Variants in CFAP61 observed in about 807,000 individuals in gnomAD.
CFAP61 encodes cilia- and flagella-associated protein 61.
CFAP61 carries 107 observed loss-of-function variants against 135.6 expected under a neutral mutation model. That is an observed-to-expected ratio of 0.79 (90% CI 0.67 to 0.93). The LOEUF (loss-of-function observed/expected upper bound fraction) is 0.93. Ranked by LOEUF, CFAP61 falls within the 40% of genes least tolerant of loss-of-function variation. The pLI, the probability that CFAP61 is intolerant of heterozygous loss-of-function variation, is 0.00. For synonymous variants in CFAP61, 575 were observed against 578.5 expected (o/e 0.99, Z 0.09); for missense variants, 1,507 against 1,556.2 (o/e 0.97, Z 0.53).
At chr20:20,354,553 CACTT>C (rs2058971378) in intron 26 of CFAP61, among the ~76,000 whole-genome samples, 1 of 150,942 alleles carries the variant, frequency 6.6e-6, no homozygotes, top group African/African-American at 2.4e-5. Context: ...TGCACGATCT[CACTT>C]ACATGTGGAA....
intron 26 of CFAP61, among the ~76,000 whole-genome samples, chr20:20,355,272 A>G (rs2059049209): frequency 8.2e-6 from 1 of 122,690 alleles, no homozygotes; most frequent in African/African-American, 3.2e-5. Context: ...TCACACTGTG[A>G]GGGGTGGTCA....
At chr20:20,311,104 T>G (rs1233967586) in intron 25 of CFAP61, among the ~76,000 whole-genome samples, 1 of 152,202 alleles carries the variant, frequency 6.6e-6, no homozygotes, top group Non-Finnish European at 1.5e-5. Flanking sequence ...CTACACAGTA[T>G]CTTGAGTGTG....
intron 2 of CFAP61, among the ~76,000 whole-genome samples, chr20:20,063,996 C>T (rs1019573878): frequency 2.0e-5 from 3 of 149,250 alleles, no homozygotes; most frequent in South Asian, 4.2e-4. Context: ...AAATTGTCAA[C>T]TATTGAAAGA....
At chr20:20,071,334 T>C (rs1473988750) in intron 3 of CFAP61, among the ~76,000 whole-genome samples, 1 of 152,180 alleles carries the variant, frequency 6.6e-6, no homozygotes, top group Non-Finnish European at 1.5e-5. Context: ...GTCATTGATA[T>C]GTTAGGAGAG....
At chr20:20,206,779 G>C (rs986337206) in intron 17 of CFAP61, among the ~76,000 whole-genome samples, 5 of 151,788 alleles carry the variant, frequency 3.3e-5, no homozygotes, top group South Asian at 2.1e-4. Flanking sequence ...TTTTCATTTG[G>C]GGGGCGGTGT....
chr20:20,055,965 T>A (rs2044295835), intron 1 of CFAP61: 7 of 1,611,014 alleles, frequency 4.3e-6, no homozygotes, highest in Admixed American at 1.7e-5. Flanking sequence ...GTCAACAGCA[T>A]TTCCCAAAGT....
chr20:20,168,447 T>G (rs1459212129), intron 12 of CFAP61, among the ~76,000 whole-genome samples: 1 of 152,208 alleles, frequency 6.6e-6, no homozygotes, highest in African/African-American at 2.4e-5. Context: ...GTCTTTGAAA[T>G]CTAATATATA....
intron 22 of CFAP61, among the ~76,000 whole-genome samples, chr20:20,280,559 C>T (rs903005438): frequency 1.3e-5 from 2 of 152,304 alleles, no homozygotes; most frequent in African/African-American, 2.4e-5. Flanking sequence ...TTCATTTACT[C>T]AGCATGGTGA....
Position 20,140,593 on chromosome 20 carries a change from T to G in CFAP61, c.860-2264T>G, listed in dbSNP as rs897805561. Among the ~76,000 whole-genome samples the G allele has an allele frequency of 4.2e-3, 636 of 152,274 alleles. 11 individuals carry two copies. The highest frequency in any genetic ancestry group is 0.03 in the Admixed American group (454 of 15,300). ...GTGCTGGAGAGGATGTGGAGAAATA[T>G]GAACACTTTTACACTGTTGATGGGA... On this transcript the variant is annotated intron_variant, in intron 8 of 26. Transcript: ENST00000245957.
rs1328795964 is a variant in CFAP61, at chr20:20,142,454, T to A, written c.860-403T>A. On this transcript the variant is annotated intron_variant, in intron 8 of 26. Coordinates refer to ENST00000245957, the MANE Select transcript of CFAP61 (RefSeq NM_015585.4). ...CTGGAGATCATTTCAAAGCCCACCATCGAGGAAGCTGATAACCCATTGTTT... is the reference window on the plus strand; with the variant it reads ...CTGGAGATCATTTCAAAGCCCACCAACGAGGAAGCTGATAACCCATTGTTT... Among the ~76,000 whole-genome samples, 7 of 152,134 alleles carry A rather than the reference T, an allele frequency of 4.6e-5. 1 individual carries two copies. The highest frequency in any genetic ancestry group is 4.6e-4 in the Admixed American group (7 of 15,272).
intron 10 of CFAP61, among the ~76,000 whole-genome samples, chr20:20,160,058 G>A (rs1280493823): frequency 6.6e-6 from 1 of 152,232 alleles, no homozygotes. Flanking sequence ...AAGCCTGGTG[G>A]TTCAGGAAGA....
intron 26 of CFAP61, among the ~76,000 whole-genome samples, chr20:20,351,585 A>AC (rs1396041254): frequency 1.3e-5 from 2 of 151,890 alleles, no homozygotes; most frequent in African/African-American, 4.8e-5. Context: ...AAAAAAAAAA[A>AC]AATGTTTATA....
chr20:20,229,276 G>A lies in CFAP61; in HGVS notation c.2060+900G>A, dbSNP rs76692892. ...TCGGGATCATGGCCTGGCATCATCA[G>A]CACCTAACATGGAGCCCTCAGTGTA... On this transcript the variant is annotated intron_variant, in intron 18 of 26. Coordinates refer to ENST00000245957, the MANE Select transcript of CFAP61 (RefSeq NM_015585.4). 7.3e-3 allele frequency among the ~76,000 whole-genome samples: 1,112 copies of A among 152,290 alleles called. 16 individuals carry two copies. The highest frequency in any genetic ancestry group is 0.026 in the African/African-American group (1,062 of 41,552).
At chr20:20,239,726 G>C (rs940352766) in intron 18 of CFAP61, among the ~76,000 whole-genome samples, 7 of 152,182 alleles carry the variant, frequency 4.6e-5, no homozygotes, top group Admixed American at 4.6e-4. Flanking sequence ...TAATGAGTCT[G>C]ATCTGCAGCT....
intron 25 of CFAP61, among the ~76,000 whole-genome samples, chr20:20,304,474 C>A (rs184965042): frequency 6.6e-6 from 1 of 151,880 alleles, no homozygotes; most frequent in Non-Finnish European, 1.5e-5. Flanking sequence ...CCCTTAAAAG[C>A]ATTTGTGCCC....
At position 20,281,160 on chromosome 20, in the gene CFAP61, GT is replaced by G. The variant is rs563303399; in HGVS notation, c.2796+3708del. 2.2e-4 allele frequency among the ~76,000 whole-genome samples: 34 copies of G among 152,182 alleles called. No individual in the cohort carries two copies. The South Asian group carries it at 6.4e-3, about 29-fold the overall frequency. ...AATTCTCTTATTAGCTTTTGTAGTT[GT>G]TTTTTAGGTCCATAAACATGTCATG... On this transcript the variant is annotated intron_variant, in intron 22 of 26. Transcript: ENST00000245957.
rs2054260207 is a variant in CFAP61 at position 20,172,038 on chromosome 20, T to A, written c.1385+2578T>A. On this transcript the variant is annotated intron_variant, in intron 13 of 26. Transcript: ENST00000245957. The stretch of plus-strand genomic sequence containing the variant: ...AGGAACTTGGTTGCATGGCCCTACT[T>A]AGCTGCAAGGGAGCCTGGAAGATAT... 3 of 385,152 alleles carry A rather than the reference T, an allele frequency of 7.8e-6. No individual in the cohort carries two copies. In the East Asian group the frequency reaches 1.2e-4, roughly 16 times the overall value. 23.9% of individuals were successfully genotyped at this position (385,152 alleles called of 1,614,324 possible). A position where few individuals can be genotyped will look rare whatever the true frequency, so the allele number is the denominator to read the frequency against.
chr20:20,117,033 C>G (rs779844887), intron 8 of CFAP61, among the ~76,000 whole-genome samples: 1 of 152,138 alleles, frequency 6.6e-6, no homozygotes, highest in Non-Finnish European at 1.5e-5. Flanking sequence ...TTCCTTTCCC[C>G]GCTTTGTTAT....
intron 22 of CFAP61, among the ~76,000 whole-genome samples, chr20:20,279,879 TGTG>T (rs1029796300): frequency 6.6e-6 from 1 of 152,182 alleles, no homozygotes; most frequent in African/African-American, 2.4e-5. Flanking sequence ...AGTTTGTACC[TGTG>T]GGAGATTAAA....
Sources: allele counts gnomAD v4.1 joint callset (sites outside exome capture counted in the v4.1 genomes callset), GRCh38; gene constraint gnomAD v4.1.1; transcripts MANE v1.5; gene names NCBI Gene and HGNC (gene_info 2026-07-23, HGNC 2026-07-21).